Variants in PHKB observed in about 807,000 individuals in gnomAD.
The protein encoded by PHKB is phosphorylase kinase regulatory subunit beta, also known as phosphorylase b kinase regulatory subunit beta.
PHKB carries 122 observed loss-of-function variants against 152.1 expected under a neutral mutation model. The ratio of observed to expected loss-of-function variants is 0.80; its 90% CI spans 0.69 to 0.93. PHKB has a LOEUF of 0.93. Ranked by LOEUF, PHKB falls within the 40% of genes least tolerant of loss-of-function variation. The pLI, the probability that PHKB is intolerant of heterozygous loss-of-function variation, is 0.00. For missense variants in PHKB, 1,304 were observed against 1,328.4 expected (o/e 0.98, Z 0.29); for synonymous variants, 436 against 464.9 (o/e 0.94, Z 0.80).
At chr16:47,613,088 G>T (rs1208345382) in intron 14 of PHKB, among the ~76,000 whole-genome samples, 1 of 152,142 alleles carries the variant, frequency 6.6e-6, no homozygotes, top group African/African-American at 2.4e-5. Flanking sequence ...TTCTGAAAAT[G>T]GTAGAAGTGC....
intron 13 of PHKB, among the ~76,000 whole-genome samples, chr16:47,602,659 G>T (rs1360933115): frequency 6.7e-6 from 1 of 149,816 alleles, no homozygotes; most frequent in Non-Finnish European, 1.5e-5. Context: ...TGTAAAATCT[G>T]CCACTTACTA....
intron 28 of PHKB, among the ~76,000 whole-genome samples, chr16:47,694,460 G>A (rs561995911): frequency 6.6e-6 from 1 of 152,264 alleles, no homozygotes; most frequent in South Asian, 2.1e-4. Context: ...TAGGAAATTG[G>A]TAGTATTCTT....
intron 6 of PHKB, among the ~76,000 whole-genome samples, chr16:47,541,009 T>A (rs973594160): frequency 3.9e-5 from 6 of 152,066 alleles, no homozygotes; most frequent in Non-Finnish European, 7.4e-5. Context: ...TATTTTTTTT[T>A]ATTATACTTT....
At chr16:47,494,353 GT>G (rs1160920262) in intron 1 of PHKB, among the ~76,000 whole-genome samples, 2 of 152,232 alleles carry the variant, frequency 1.3e-5, no homozygotes, top group African/African-American at 2.4e-5. Context: ...CAGCTTCTAA[GT>G]TGTGTTTCCA....
At chr16:47,631,555 T>C (rs996784202) in intron 14 of PHKB, among the ~76,000 whole-genome samples, 1 of 152,192 alleles carries the variant, frequency 6.6e-6, no homozygotes, top group African/African-American at 2.4e-5. Context: ...GGTATGCATG[T>C]GCCATGGTGG....
intron 14 of PHKB, among the ~76,000 whole-genome samples, chr16:47,635,425 G>C (rs1285638635): frequency 6.6e-6 from 1 of 152,088 alleles, no homozygotes; most frequent in Non-Finnish European, 1.5e-5. Flanking sequence ...TCACTGTTTT[G>C]TTTTGGTTTT....
At chr16:47,506,566 T>C (rs1317956094) in intron 4 of PHKB, among the ~76,000 whole-genome samples, 1 of 152,242 alleles carries the variant, frequency 6.6e-6, no homozygotes, top group Non-Finnish European at 1.5e-5. Flanking sequence ...ATTTGTATCA[T>C]TTCATGAATG....
intron 7 of PHKB, chr16:47,562,049 A>T (rs947799307): frequency 1.1e-4 from 16 of 152,198 alleles, no homozygotes; most frequent in African/African-American, 3.9e-4. Flanking sequence ...TGGTAGAGTC[A>T]TGCATAGGTT....
At chr16:47,646,454 G>A (rs1198445943) in intron 16 of PHKB, among the ~76,000 whole-genome samples, 38 of 121,268 alleles carry the variant, frequency 3.1e-4, no homozygotes, top group Non-Finnish European at 5.2e-4. Context: ...TGGGTGCAGC[G>A]CACCAGCATG....
At position 47,669,225 on chromosome 16, in the gene PHKB, G is replaced by A; in HGVS notation, c.2438G>A (p.Gly813Asp). ...FLVHGKQVTL[G>D]AFGHEEEVIS... is the part of the protein sequence containing the mutation. ...TTCTGCCACTTGTAGGTAACTCTGG[G>A]TGCCTTTGGGCATGAAGAAGAAGTT... The change falls in exon 26 of 31, where the codon GGT (glycine) becomes GAT (aspartate). Residue 813 changes from glycine (G) to aspartate (D), a missense_variant. Transcript: ENST00000323584. 6.2e-7 allele frequency: 1 copy of A among 1,613,436 alleles called. No individual in the cohort carries two copies. The highest frequency in any genetic ancestry group is 8.5e-7 in the Non-Finnish European group (1 of 1,179,492).
At chr16:47,608,026 G>GT (rs71380330) in intron 13 of PHKB, among the ~76,000 whole-genome samples, 58 of 147,962 alleles carry the variant, frequency 3.9e-4, no homozygotes, top group Middle Eastern at 6.9e-3. Context: ...TTTTTAATGG[G>GT]TTTTTTTTTT....
At chr16:47,633,174 T>C (rs1972856444) in intron 14 of PHKB, among the ~76,000 whole-genome samples, 1 of 152,240 alleles carries the variant, frequency 6.6e-6, no homozygotes, top group Non-Finnish European at 1.5e-5. Context: ...ACATGTACAC[T>C]CTTTTATAGT....
intron 1 of PHKB, among the ~76,000 whole-genome samples, chr16:47,480,537 T>G (rs1030066264): frequency 2.0e-5 from 3 of 152,104 alleles, no homozygotes; most frequent in African/African-American, 4.8e-5. Context: ...CTTTGAAAAG[T>G]AGAGGAAACA....
intron 25 of PHKB, among the ~76,000 whole-genome samples, chr16:47,666,322 C>T (rs780201326): frequency 2.6e-5 from 4 of 152,190 alleles, no homozygotes; most frequent in East Asian, 1.9e-4. Flanking sequence ...TACTGAAGTA[C>T]TCCAGACAGG....
intron 14 of PHKB, among the ~76,000 whole-genome samples, chr16:47,640,500 A>G (rs773146149): frequency 5.9e-5 from 9 of 152,210 alleles, no homozygotes; most frequent in Non-Finnish European, 1.0e-4. Context: ...ATGTAATTAC[A>G]TAGTCAACTG....
intron 8 of PHKB, among the ~76,000 whole-genome samples, chr16:47,586,071 T>A (rs757059843): frequency 2.0e-5 from 3 of 152,224 alleles, no homozygotes; most frequent in African/African-American, 7.2e-5. Flanking sequence ...TCACCAAAAT[T>A]CAGAGCCTAG....
chr16:47,550,884 C>T (rs1971259048), intron 7 of PHKB, among the ~76,000 whole-genome samples: 1 of 152,182 alleles, frequency 6.6e-6, no homozygotes, highest in Admixed American at 6.5e-5. Context: ...ATTACTGCCT[C>T]AATTTCAGAA....
At chr16:47,468,182 C>G (rs1245577836) in intron 1 of PHKB, among the ~76,000 whole-genome samples, 2 of 152,180 alleles carry the variant, frequency 1.3e-5, no homozygotes, top group Non-Finnish European at 2.9e-5. Flanking sequence ...TCCTACCTCC[C>G]TAGTCCAAGC....
intron 18 of PHKB, 45 bp from the exon 19 acceptor site, chr16:47,650,499 T>TA (rs767291723): frequency 9.1e-7 from 1 of 1,094,790 alleles, no homozygotes; most frequent in Non-Finnish European, 1.4e-6. Context: ...ATCCTGTTCA[T>TA]CTTAGATACT....
Sources: gnomAD v4.1 joint callset for allele counts (sites outside exome capture counted in the v4.1 genomes callset) on GRCh38, gnomAD v4.1.1 for gene constraint, MANE v1.5 for transcripts, NCBI Gene and HGNC (gene_info 2026-07-23, HGNC 2026-07-21) for gene names.